Variants in KDR observed in about 807,000 individuals in gnomAD.
KDR encodes the protein vascular endothelial growth factor receptor 2.
In KDR, 43 loss-of-function variants were observed where a neutral mutation model predicts 160.9. That is an observed-to-expected ratio of 0.27 (90% CI 0.21 to 0.34). KDR has a LOEUF of 0.34. Among genes scored for constraint, KDR ranks in the 10% least tolerant of loss-of-function variants. The pLI, the probability that KDR is intolerant of heterozygous loss-of-function variation, is 1.00. For synonymous variants in KDR, 617 were observed against 600.1 expected, an observed-to-expected ratio of 1.03 and a Z score of -0.41; for missense variants, 1,469 against 1,666.4, an observed-to-expected ratio of 0.88 and a Z score of 2.06.
At position 55,088,940 on chromosome 4, in the gene KDR, C is replaced by T. The variant is rs750347708; in HGVS notation, c.3438G>A (p.Glu1146=). 20 of 1,614,074 alleles carry T rather than the reference C, an allele frequency of 1.2e-5. No homozygotes were observed. The highest frequency in any genetic ancestry group is 1.5e-5 in the Non-Finnish European group (18 of 1,179,926). ...YQTMLDCWHG[E]PSQRPTFSEL... ...CTGAAAACGTGGGTCTCTGACTGGGCTCCCCGTGCCAGCAGTCCAGCATGG... is the reference window on the plus strand; with the variant it reads ...CTGAAAACGTGGGTCTCTGACTGGGTTCCCCGTGCCAGCAGTCCAGCATGG... The change falls in exon 26 of 30, where the codon GAG becomes GAA. Residue 1146 remains glutamate, a synonymous_variant. Transcript: ENST00000263923.
intron 1 of KDR, 39 bp downstream of exon 1, chr4:55,125,188 C>G (rs1477356858): frequency 6.3e-7 from 1 of 1,588,198 alleles, no homozygotes; most frequent in African/African-American, 1.3e-5. Flanking sequence ...CGCCCTCACC[C>G]GACCTGTCTG....
chr4:55,096,651 G>T (rs1376091829), intron 18 of KDR: 2 of 405,814 alleles, frequency 4.9e-6, no homozygotes, highest in Non-Finnish European at 9.1e-6. Context: ...TGCAAAACTG[G>T]ATTTTTGCAT....
At position 55,094,819 on chromosome 4, in the gene KDR, T is replaced by C. The variant is rs931465705; in HGVS notation, c.2954A>G (p.Asp985Gly). ...GCCAGTACCTTCCTCTTCTTCTACA[T>C]CACTGAGGGACTTCTCCTCCACAAA... Reference protein sequence around the residue: ...SGFVEEKSLSDVEEEEAPEDL... With the variant: ...SGFVEEKSLSGVEEEEAPEDL... The change falls in exon 21 of 30, where the codon GAT (aspartate) becomes GGT (glycine). Residue 985 changes from aspartate to glycine, a missense_variant. Physicochemically the swap from Asp to Gly is moderately conservative, Grantham distance 94 (BLOSUM62 -1). Around this residue, in one of 7 missense-constraint regions of KDR, gnomAD observed 151 missense variants for 207.2 expected, o/e 0.73. Transcript: ENST00000263923. The C allele has an allele frequency of 4.3e-6, 7 of 1,613,812 alleles. No individual in the cohort carries two copies. Among genetic ancestry groups the C allele is most frequent in the Non-Finnish European group, 5.9e-6 (7 of 1,179,858 alleles).
chr4:55,084,910 A>G (rs1387981606), intron 27 of KDR, among the ~76,000 whole-genome samples: 8 of 152,238 alleles, frequency 5.3e-5, no homozygotes, highest in Non-Finnish European at 4.4e-5. Flanking sequence ...CAGAAAGGAC[A>G]GTCCCACTGC....
rs754554605 is a variant in KDR at position 55,115,035 on chromosome 4, G to T, written c.497C>A (p.Pro166Gln). ...NLNVSLCARY[P>Q]EKRFVPDGNR... ...ACCATCAGGAACAAATCTCTTTTCTGGGTATCTCTGGGTAATAAAAAGACA... is the reference window on the plus strand; with the variant it reads ...ACCATCAGGAACAAATCTCTTTTCTTGGTATCTCTGGGTAATAAAAAGACA... Residue 166 changes from proline to glutamine, a missense_variant, in exon 5 of 30, where the codon CCA becomes CAA. This residue lies in a region of KDR where 792 missense variants were observed against 840.9 expected (regional missense o/e 0.94). Transcript: ENST00000263923. 2 of 1,612,230 alleles carry T rather than the reference G, an allele frequency of 1.2e-6. No homozygotes were observed. Among genetic ancestry groups the T allele is most frequent in the Non-Finnish European group, 1.7e-6 (2 of 1,178,556 alleles).
intron 27 of KDR, among the ~76,000 whole-genome samples, chr4:55,084,885 AAC>A (rs1405122749): frequency 6.6e-6 from 1 of 152,206 alleles, no homozygotes; most frequent in Non-Finnish European, 1.5e-5. Flanking sequence ...CGGGGTATGA[AAC>A]AGACAAAAAG....
chr4:55,101,404 CT>C (rs1720306022), intron 15 of KDR, among the ~76,000 whole-genome samples: 1 of 152,226 alleles, frequency 6.6e-6, no homozygotes, highest in Non-Finnish European at 1.5e-5. Flanking sequence ...TAAAAATCAT[CT>C]GTCGTTGCCC....
At chr4:55,124,929 C>T (rs1720992468) in intron 1 of KDR, among the ~76,000 whole-genome samples, 1 of 152,170 alleles carries the variant, frequency 6.6e-6, no homozygotes, top group African/African-American at 2.4e-5. Flanking sequence ...CTTCCCACCC[C>T]AGCCTCCCAA....
chr4:55,108,765 C>T (rs1240938582), intron 9 of KDR, among the ~76,000 whole-genome samples: 2 of 151,804 alleles, frequency 1.3e-5, no homozygotes, highest in African/African-American at 4.8e-5. Context: ...TCACTTCCTT[C>T]TTTCTTCTCT....
chr4:55,083,953 C>T (rs546496869), intron 27 of KDR, among the ~76,000 whole-genome samples: 14 of 152,282 alleles, frequency 9.2e-5, no homozygotes, highest in African/African-American at 3.4e-4. Flanking sequence ...CTACTGGTAC[C>T]GTAGTCAATC....
At position 55,113,379 on chromosome 4, in the gene KDR, C is replaced by A; in HGVS notation, c.901G>T (p.Asp301Tyr). 6.2e-7 allele frequency: 1 copy of A among 1,614,052 alleles called. No homozygotes were observed. The highest frequency in any genetic ancestry group is 8.5e-7 in the Non-Finnish European group (1 of 1,179,956). ...TLTIDGVTRS[D>Y]QGLYTCAASS... ...GCTGCACAGGTGTACAATCCTTGGT[C>A]ACTCCGGGTTACACCATCTATAGTT... The change falls in exon 7 of 30, where the codon GAC becomes TAC. Residue 301 changes from aspartate to tyrosine, a missense_variant. By Grantham distance (160) the Asp-to-Tyr change is radical (BLOSUM62 -3). Around this residue, in one of 7 missense-constraint regions of KDR, gnomAD observed 792 missense variants for 840.9 expected, o/e 0.94. Coordinates refer to ENST00000263923, the MANE Select transcript of KDR (RefSeq NM_002253.4).
rs767778903 is a variant in KDR, at chr4:55,098,744, T to C, written c.2326A>G (p.Met776Val). 8.7e-6 allele frequency: 14 copies of C among 1,613,360 alleles called. No individual in the cohort carries two copies. The highest frequency in any genetic ancestry group is 1.1e-5 in the Non-Finnish European group (13 of 1,179,572). ...IILVGTAVIA[M>V]FFWLLLVIIL... is the part of the protein sequence containing the mutation. ...ATGACAAGAAGTAGCCAGAAGAACA[T>C]GGCAATCACCGCCGTGCCTACTAGA... The change falls in exon 16 of 30, where the codon ATG becomes GTG. Residue 776 changes from methionine to valine, a missense_variant. Physicochemically the swap from Met to Val is conservative, Grantham distance 21. Around this residue, in one of 7 missense-constraint regions of KDR, gnomAD observed 118 missense variants for 110.8 expected, o/e 1.06. Transcript: ENST00000263923.
At chr4:55,105,198 T>A (rs1348400578) in intron 12 of KDR, among the ~76,000 whole-genome samples, 1 of 152,166 alleles carries the variant, frequency 6.6e-6, no homozygotes, top group Admixed American at 6.5e-5. Context: ...AACGAATTCC[T>A]CAGATATTTA....
chr4:55,121,250 C>T (rs150311401), intron 1 of KDR, 60 bp from the exon 2 acceptor site: 9 of 1,193,196 alleles, frequency 7.5e-6, no homozygotes, highest in Admixed American at 1.7e-5. Context: ...ATAGGAAACA[C>T]CTTCCATAAA....
rs144690045 is a variant in KDR, at chr4:55,119,477, T to C, written c.162-677A>G. On this transcript the variant is annotated intron_variant, in intron 2 of 29. Transcript: ENST00000263923. ...ACAGGCAATTAAAAAGTAAGGAAAG[T>C]TTATTGTATAAAAGATAGTGTTTAG... Among the ~76,000 whole-genome samples the C allele has an allele frequency of 7.9e-5, 12 of 152,268 alleles. No homozygotes were observed. In the East Asian group the frequency reaches 2.3e-3, roughly 29 times the overall value.
At chr4:55,089,879 C>T (rs1467700201) in intron 23 of KDR, 77 bp from the exon 24 acceptor site, 1 of 1,606,008 alleles carries the variant, frequency 6.2e-7, no homozygotes, top group South Asian at 1.1e-5. Flanking sequence ...TGTTCCTGAA[C>T]ACAGGTCCTG....
chr4:55,102,156 G>A, intron 14 of KDR, 128 bp from the exon 15 acceptor site: 1 of 1,365,104 alleles, frequency 7.3e-7, no homozygotes, highest in East Asian at 2.3e-5. Context: ...AGAGTCACAT[G>A]GGATCTACTG....
At chr4:55,091,067 G>T (rs1236588962) in intron 22 of KDR, among the ~76,000 whole-genome samples, 1 of 151,758 alleles carries the variant, frequency 6.6e-6, no homozygotes, top group Admixed American at 6.6e-5. Context: ...TGGCCAGGCT[G>T]GTCTCAAACT....
chr4:55,108,737 TCTTC>T (rs1391333761), intron 9 of KDR, among the ~76,000 whole-genome samples: 1 of 151,260 alleles, frequency 6.6e-6, no homozygotes, highest in African/African-American at 2.4e-5. Context: ...TCTTCCCCTT[TCTTC>T]CTTCTCCCTT....
Sources: gnomAD v4.1 joint callset for allele counts (sites outside exome capture counted in the v4.1 genomes callset) on GRCh38, gnomAD v4.1.1 for gene constraint, gnomAD v4.1.1 regional missense constraint, MANE v1.5 for transcripts, NCBI Gene and HGNC (gene_info 2026-07-23, HGNC 2026-07-21) for gene names.